The following CEP112 variants were observed in gnomAD, a reference collection of about 807,000 sequenced individuals.
CEP112 encodes centrosomal protein 112.
A neutral mutation model predicts 153.0 loss-of-function variants in CEP112; 127 were observed. The observed-to-expected ratio is 0.83, with a 90% CI of 0.72 to 0.96. The LOEUF (loss-of-function observed/expected upper bound fraction) is 0.96, where lower values mean the gene tolerates loss of function less well. Among genes scored for constraint, CEP112 ranks in the 40% least tolerant of loss-of-function variants. The pLI is 0.00. For missense variants in CEP112, 1,089 were observed against 1,101.2 expected (o/e 0.99, Z 0.16); for synonymous variants, 358 against 374.4 (o/e 0.96, Z 0.51).
intron 18 of CEP112, among the ~76,000 whole-genome samples, chr17:65,943,345 G>A (rs1356476120): frequency 6.6e-6 from 1 of 152,106 alleles, no homozygotes. Flanking sequence ...GGAGAGGTAG[G>A]AAATGTAGAA....
intron 6 of CEP112, among the ~76,000 whole-genome samples, chr17:66,110,258 G>T (rs1332339769): frequency 6.6e-6 from 1 of 152,060 alleles, no homozygotes; most frequent in Non-Finnish European, 1.5e-5. Flanking sequence ...CTTGAACCTG[G>T]GAGGCGGAGG....
At chr17:65,708,935 G>A (rs2049042617) in intron 23 of CEP112, among the ~76,000 whole-genome samples, 1 of 152,104 alleles carries the variant, frequency 6.6e-6, no homozygotes, top group Non-Finnish European at 1.5e-5. Context: ...TGGATGTGTA[G>A]GTGTCTCCTG....
chr17:65,965,676 C>T (rs1249579671), intron 17 of CEP112, among the ~76,000 whole-genome samples: 1 of 151,972 alleles, frequency 6.6e-6, no homozygotes, highest in Non-Finnish European at 1.5e-5. Context: ...TGCAAGCCAC[C>T]ACCCCTGGCT....
At chr17:66,065,741 C>T (rs1473939277) in intron 10 of CEP112, among the ~76,000 whole-genome samples, 12 of 151,882 alleles carry the variant, frequency 7.9e-5, no homozygotes, top group East Asian at 1.9e-4. Context: ...GCCATTCTCC[C>T]GCCTCAGCCT....
chr17:66,155,623 G>T (rs946491709), intron 4 of CEP112, among the ~76,000 whole-genome samples: 6 of 152,044 alleles, frequency 3.9e-5, no homozygotes, highest in Non-Finnish European at 5.9e-5. Context: ...CCCCCACAGA[G>T]CCCAACAAGC....
chr17:65,928,011 A>G (rs1199078518), intron 18 of CEP112, among the ~76,000 whole-genome samples: 1 of 152,220 alleles, frequency 6.6e-6, no homozygotes, highest in Non-Finnish European at 1.5e-5. Context: ...ATGAGATAAA[A>G]TATTTCCAAA....
At position 65,919,559 on chromosome 17, in the gene CEP112, T is replaced by C. The variant is rs902534731; in HGVS notation, c.1980+8023A>G. On this transcript the variant is annotated intron_variant, in intron 19 of 26. Coordinates refer to ENST00000535342, the MANE Select transcript of CEP112 (RefSeq NM_001199165.4). ...ATACAGGGAAATCCAGCCAGACAGG[T>C]ACCTAAATGAATGAGTCAGCGGTGG... Among the ~76,000 whole-genome samples, 10 of 152,094 alleles carry C rather than the reference T, an allele frequency of 6.6e-5. 1 individual carries two copies. Among genetic ancestry groups the C allele is most frequent in the Admixed American group, 5.2e-4 (8 of 15,274 alleles).
At chr17:66,190,041 G>A (rs2073105147) in intron 1 of CEP112, among the ~76,000 whole-genome samples, 1 of 151,180 alleles carries the variant, frequency 6.6e-6, no homozygotes, top group Admixed American at 6.6e-5. Context: ...CAAAAAACCT[G>A]AAAATGGAAC....
chr17:65,635,716 G>C lies in CEP112; in HGVS notation c.*255C>G, dbSNP rs2044736774. The C allele has an allele frequency of 3.8e-6, 2 of 529,018 alleles. No homozygotes were observed. The highest frequency in any genetic ancestry group is 3.0e-5 in the East Asian group (1 of 32,886). 32.8% of individuals were successfully genotyped at this position (529,018 alleles called of 1,614,324 possible). On this transcript the variant is annotated 3_prime_UTR_variant, in exon 27 of 27. Transcript: ENST00000535342. Reference sequence around the variant, plus strand: ...GAAATCACTTTGCCCAATATAAGCAGTTCTCAGCACATACTCAAATGCACA... The same window carrying C: ...GAAATCACTTTGCCCAATATAAGCACTTCTCAGCACATACTCAAATGCACA...
At chr17:65,859,138 C>T (rs1483585645) in intron 20 of CEP112, among the ~76,000 whole-genome samples, 1 of 152,048 alleles carries the variant, frequency 6.6e-6, no homozygotes, top group Non-Finnish European at 1.5e-5. Flanking sequence ...TTTACTCCAT[C>T]AATGCATTAA....
At position 65,689,145 on chromosome 17, in the gene CEP112, A is replaced by G. The variant is rs1471192226; in HGVS notation, c.2681T>C (p.Leu894Ser). The G allele has an allele frequency of 3.1e-6, 5 of 1,611,944 alleles. No individual in the cohort carries two copies. Among genetic ancestry groups the G allele is most frequent in the Non-Finnish European group, 4.2e-6 (5 of 1,178,148 alleles). ...AGAGGGTACCTGTTCCTGTGACTCC[A>G]ATTCTTTGTGTTGTAATTTTTTCTC... ...CAEKKLQHKELESQEQITYIR... is the reference protein window; with the variant it reads ...CAEKKLQHKESESQEQITYIR... The change falls in exon 24 of 27, where the codon TTG (leucine) becomes TCG (serine). Residue 894 changes from leucine (L) to serine (S), a missense_variant. Physicochemically the swap from Leu to Ser is moderately radical, Grantham distance 145 (BLOSUM62 -2). Transcript: ENST00000535342.
At chr17:66,048,301 A>G (rs1426460307) in intron 12 of CEP112, among the ~76,000 whole-genome samples, 3 of 152,150 alleles carry the variant, frequency 2.0e-5, no homozygotes, top group Non-Finnish European at 4.4e-5. Context: ...TGACAGTATA[A>G]TCATTGCAGA....
intron 18 of CEP112, among the ~76,000 whole-genome samples, chr17:65,932,965 A>G (rs981618967): frequency 2.0e-5 from 3 of 152,206 alleles, no homozygotes; most frequent in African/African-American, 7.2e-5. Flanking sequence ...TATGCAGACA[A>G]AAGAATTAGT....
intron 5 of CEP112, among the ~76,000 whole-genome samples, chr17:66,131,794 G>A (rs975666921): frequency 1.5e-4 from 23 of 151,958 alleles, no homozygotes; most frequent in African/African-American, 5.6e-4. Flanking sequence ...GCTTTCTCTT[G>A]TAACTAAAAG....
intron 23 of CEP112, among the ~76,000 whole-genome samples, chr17:65,709,666 T>G (rs1036919903): frequency 1.8e-4 from 27 of 152,228 alleles, no homozygotes; most frequent in African/African-American, 6.3e-4. Context: ...TTTTAATTCA[T>G]GGATAAAACC....
chr17:66,176,902 T>C lies in CEP112; in HGVS notation c.225A>G (p.Lys75=). 2 of 1,613,950 alleles carry C rather than the reference T, an allele frequency of 1.2e-6. No individual in the cohort carries two copies. Residue 75 remains lysine, a synonymous_variant, in exon 3 of 27, where the codon AAA becomes AAG. Coordinates refer to ENST00000535342, the MANE Select transcript of CEP112 (RefSeq NM_001199165.4). ...LYAKLLLHML[K]RGALEGPFTH... ...TAAAAGGGCCTTCAAGCGCACCTCG[T>C]TTAAGCATATGCAATAACAATTTTG...
At chr17:66,061,748 G>T (rs914134263) in intron 11 of CEP112, among the ~76,000 whole-genome samples, 7 of 152,100 alleles carry the variant, frequency 4.6e-5, no homozygotes, top group Non-Finnish European at 1.0e-4. Context: ...TGAGCTCATA[G>T]AAGTAGAGAA....
At chr17:66,150,151 C>T (rs1402463283) in intron 4 of CEP112, among the ~76,000 whole-genome samples, 8 of 148,494 alleles carry the variant, frequency 5.4e-5, no homozygotes, top group African/African-American at 1.5e-4. Flanking sequence ...CCGCCCACCT[C>T]GGCCTCCCAA....
At chr17:65,944,030 T>G (rs1470628770) in intron 18 of CEP112, among the ~76,000 whole-genome samples, 2 of 152,294 alleles carry the variant, frequency 1.3e-5, no homozygotes, top group Non-Finnish European at 2.9e-5. Flanking sequence ...TATGCAGCCA[T>G]AAAAAGCAAT....
Sources: allele counts gnomAD v4.1 joint callset (sites outside exome capture counted in the v4.1 genomes callset), GRCh38; gene constraint gnomAD v4.1.1; transcripts MANE v1.5; gene names NCBI Gene and HGNC (gene_info 2026-07-23, HGNC 2026-07-21).